Variants in CACNA2D1 observed in about 807,000 individuals in gnomAD.
CACNA2D1 encodes the protein calcium voltage-gated channel auxiliary subunit alpha2delta 1, also known as voltage-dependent calcium channel subunit alpha-2/delta-1.
In CACNA2D1, 53 loss-of-function variants were observed where a neutral mutation model predicts 171.5. That is an observed-to-expected ratio of 0.31 (90% CI 0.25 to 0.39). CACNA2D1 has a LOEUF of 0.39. Among genes scored for constraint, CACNA2D1 ranks in the 10% least tolerant of loss-of-function variants. The pLI is 1.00. For missense variants in CACNA2D1, 903 were observed against 1,299.8 expected (o/e 0.69, Z 4.69); for synonymous variants, 442 against 443.1 (o/e 1.00, Z 0.03).
intron 24 of CACNA2D1, among the ~76,000 whole-genome samples, chr7:81,982,202 T>C (rs1006640242): frequency 2.6e-5 from 4 of 151,928 alleles, no homozygotes; most frequent in African/African-American, 9.7e-5. Context: ...TGATCTCAGC[T>C]CCCTGCAACC....
rs200388836 is a variant in CACNA2D1 at position 82,293,336 on chromosome 7, G to A, written c.294+41799C>T. Among the ~76,000 whole-genome samples, 8 of 151,840 alleles carry A rather than the reference G, an allele frequency of 5.3e-5. No individual in the cohort carries two copies. In the East Asian group the frequency reaches 1.4e-3, roughly 26 times the overall value. ...TTTGTCATTTTGACTTTCTCATTAA[G>A]TTCAAAGCTTTCTTCAATCATACAT... On this transcript the variant is annotated intron_variant, in intron 3 of 38. Transcript: ENST00000356860.
chr7:82,340,843 C>G (rs1479425277), intron 2 of CACNA2D1, among the ~76,000 whole-genome samples: 1 of 152,092 alleles, frequency 6.6e-6, no homozygotes, highest in Non-Finnish European at 1.5e-5. Flanking sequence ...ATCATCCTAC[C>G]TCAAAATAAT....
chr7:82,300,885 C>G (rs1235004713), intron 3 of CACNA2D1, among the ~76,000 whole-genome samples: 1 of 151,986 alleles, frequency 6.6e-6, no homozygotes, highest in African/African-American at 2.4e-5. Flanking sequence ...AGTCTGAATA[C>G]TTTAATATAA....
chr7:82,359,336 A>C, intron 1 of CACNA2D1, among the ~76,000 whole-genome samples: 1 of 152,094 alleles, frequency 6.6e-6, no homozygotes, highest in Middle Eastern at 3.2e-3. Flanking sequence ...GATATTACTT[A>C]ATGTCATGGT....
At chr7:82,262,575 A>G (rs149676187) in intron 3 of CACNA2D1, among the ~76,000 whole-genome samples, 28 of 152,220 alleles carry the variant, frequency 1.8e-4, no homozygotes, top group African/African-American at 6.7e-4. Flanking sequence ...CATGAGATTG[A>G]CCCAGTCAGG....
chr7:82,419,186 A>C (rs1434023415), intron 1 of CACNA2D1, among the ~76,000 whole-genome samples: 2 of 152,096 alleles, frequency 1.3e-5, no homozygotes, highest in South Asian at 2.1e-4. Flanking sequence ...CCCCAAAGTA[A>C]TTTTACTGTT....
chr7:82,162,512 C>T (rs1235224907), intron 4 of CACNA2D1, among the ~76,000 whole-genome samples: 1 of 151,964 alleles, frequency 6.6e-6, no homozygotes, highest in Non-Finnish European at 1.5e-5. Flanking sequence ...CTGGTCATTC[C>T]TTTCAATTCC....
intron 10 of CACNA2D1, chr7:82,050,681 G>A (rs1465489734): frequency 2.9e-6 from 2 of 699,882 alleles, no homozygotes; most frequent in African/African-American, 1.8e-5. Flanking sequence ...AGACTTAAAT[G>A]TGAAAGATTC....
chr7:82,137,974 C>CA (rs1172423970), intron 4 of CACNA2D1, among the ~76,000 whole-genome samples: 1 of 152,096 alleles, frequency 6.6e-6, no homozygotes, highest in Non-Finnish European at 1.5e-5. Flanking sequence ...CCCCTCCCCG[C>CA]AAAAATCACT....
chr7:82,172,932 C>T (rs1796192584), intron 3 of CACNA2D1, among the ~76,000 whole-genome samples: 1 of 151,822 alleles, frequency 6.6e-6, no homozygotes, highest in Non-Finnish European at 1.5e-5. Context: ...GTCTTTGTGT[C>T]TTAGAGAAGA....
intron 3 of CACNA2D1, among the ~76,000 whole-genome samples, chr7:82,236,829 A>T (rs1803644326): frequency 6.6e-6 from 1 of 152,024 alleles, no homozygotes; most frequent in Non-Finnish European, 1.5e-5. Flanking sequence ...TTTTCATGCC[A>T]TAAAACTAAT....
At chr7:82,232,394 C>G (rs1052805537) in intron 3 of CACNA2D1, among the ~76,000 whole-genome samples, 11 of 151,988 alleles carry the variant, frequency 7.2e-5, no homozygotes, top group Non-Finnish European at 1.3e-4. Context: ...AAAAATCATC[C>G]ATTTTCAACA....
At chr7:82,390,488 T>C (rs1346520694) in intron 1 of CACNA2D1, among the ~76,000 whole-genome samples, 8 of 152,122 alleles carry the variant, frequency 5.3e-5, no homozygotes, top group Admixed American at 5.2e-4. Flanking sequence ...AGAAGCTCTT[T>C]AGGGATTTCT....
At chr7:82,016,736 G>C (rs1800528844) in intron 12 of CACNA2D1, among the ~76,000 whole-genome samples, 1 of 151,936 alleles carries the variant, frequency 6.6e-6, no homozygotes. Flanking sequence ...TTGGGATCAG[G>C]GCTGGGGTAG....
In CACNA2D1 at chr7:81,969,914, C is replaced by T. The variant is rs767965086; in HGVS notation, c.2275G>A (p.Asp759Asn). The T allele has an allele frequency of 6.2e-6, 10 of 1,606,554 alleles. No individual in the cohort carries two copies. In the South Asian group the frequency reaches 6.6e-5, roughly 11 times the overall value. The stretch of plus-strand genomic sequence containing the variant: ...TAGGGAGCAGTGAAAACATAGTTAT[C>T]ATTATCTAGGCTCCTTTTATAGAAG... ...DSFYKRSLDN[D>N]NYVFTAPYFN... is the part of the protein sequence containing the mutation. Residue 759 changes from aspartate (D) to asparagine (N), a missense_variant, in exon 28 of 39, where the codon GAT (aspartate) becomes AAT (asparagine). By Grantham distance (23) the Asp-to-Asn change is conservative. Coordinates refer to ENST00000356860, the MANE Select transcript of CACNA2D1 (RefSeq NM_000722.4).
chr7:82,171,194 C>G (rs926561782), intron 3 of CACNA2D1, among the ~76,000 whole-genome samples: 1 of 152,040 alleles, frequency 6.6e-6, no homozygotes, highest in East Asian at 1.9e-4. Context: ...ATCGTGTATG[C>G]TAAAGTAGTT....
intron 24 of CACNA2D1, among the ~76,000 whole-genome samples, chr7:81,974,783 A>G (rs1189893908): frequency 7.2e-5 from 4 of 55,652 alleles, no homozygotes; most frequent in Non-Finnish European, 1.5e-4. Flanking sequence ...TAGGTGCTCA[A>G]TAAGTTTTGG....
chr7:82,303,459 A>T (rs371004070), intron 3 of CACNA2D1, among the ~76,000 whole-genome samples: 24 of 152,110 alleles, frequency 1.6e-4, no homozygotes, highest in African/African-American at 5.8e-4. Flanking sequence ...AACTAAAAAA[A>T]AAAAAAAAAC....
intron 3 of CACNA2D1, among the ~76,000 whole-genome samples, chr7:82,286,484 A>G (rs1450054673): frequency 6.6e-6 from 1 of 152,242 alleles, no homozygotes; most frequent in Non-Finnish European, 1.5e-5. Context: ...TATCCAGGCA[A>G]AAACAGATAT....
Sources: allele counts gnomAD v4.1 joint callset (sites outside exome capture counted in the v4.1 genomes callset), GRCh38; gene constraint gnomAD v4.1.1; transcripts MANE v1.5; gene names NCBI Gene and HGNC (gene_info 2026-07-23, HGNC 2026-07-21).